WDR33: variants seen among roughly 807,000 people sequenced by gnomAD.
WDR33 encodes the protein WD repeat domain 33, also known as pre-mRNA 3' end processing protein WDR33.
WDR33 carries 47 observed loss-of-function variants against 164.9 expected under a neutral mutation model. That is an observed-to-expected ratio of 0.29 (90% CI 0.23 to 0.36). The LOEUF (loss-of-function observed/expected upper bound fraction) is 0.36. Among genes scored for constraint, WDR33 ranks in the 10% least tolerant of loss-of-function variants. WDR33 has a pLI of 1.00. For missense variants in WDR33, 1,137 were observed against 1,754.1 expected (o/e 0.65, Z 6.28); for synonymous variants, 505 against 589.0 (o/e 0.86, Z 2.06).
In WDR33 at chr2:127,724,698, A is replaced by C. The variant is rs1686522892; in HGVS notation, c.1085+189T>G. ...TAGAAAATCTATTTTATTCCTCCTT[A>C]ATGACTTCCATATCCACAAACAGAG... is the stretch of plus-strand genomic sequence containing the variant. On this transcript the variant is annotated intron_variant, in intron 10 of 21. Transcript: ENST00000322313. This position sits in a 1 kb window ranked among gnomAD's most constrained non-coding sequence, Gnocchi z 4.8. Among the ~76,000 whole-genome samples, 1 of 152,148 alleles carries C rather than the reference A, an allele frequency of 6.6e-6. No individual in the cohort carries two copies. Among genetic ancestry groups the C allele is most frequent in the South Asian group, 2.1e-4 (1 of 4,830 alleles).
chr2:127,750,714 G>GTATGTATGCATACATATA (rs1206524075), intron 7 of WDR33, among the ~76,000 whole-genome samples: 4 of 33,332 alleles, frequency 1.2e-4, no homozygotes, highest in Non-Finnish European at 1.9e-4. Context: ...ATATATATAT[G>GTATGTATGCATACATATA]TATGTATGCA....
Position 127,701,592 on chromosome 2 carries a change from G to A in WDR33, c.*4731C>T. 1 of 1,349,670 alleles carries A rather than the reference G, an allele frequency of 7.4e-7. No homozygotes were observed. The allele number at this position is 1,349,670 out of a possible 1,614,324, so 83.6% of individuals were successfully genotyped here. On this transcript the variant is annotated 3_prime_UTR_variant, in exon 22 of 22. Coordinates refer to ENST00000322313, the MANE Select transcript of WDR33 (RefSeq NM_018383.5). ...GCAGGGGAAAGCTGGCGGCCCGGCG[G>A]CCGCGGAGCCGCTGCTCGCCGCGGA...
chr2:127,758,594 C>T (rs553605227), intron 7 of WDR33, among the ~76,000 whole-genome samples: 2 of 152,246 alleles, frequency 1.3e-5, no homozygotes, highest in Admixed American at 6.5e-5. Context: ...AATTAAAGCA[C>T]GCTGAAACTT....
intron 7 of WDR33, among the ~76,000 whole-genome samples, chr2:127,760,004 G>A (rs1687630824): frequency 1.3e-5 from 2 of 152,100 alleles, no homozygotes; most frequent in Non-Finnish European, 1.5e-5. Flanking sequence ...CATACTTAAC[G>A]GCCTGCCATG....
At chr2:127,785,739 G>A (rs1371721881) in intron 1 of WDR33, among the ~76,000 whole-genome samples, 1 of 152,068 alleles carries the variant, frequency 6.6e-6, no homozygotes, top group Non-Finnish European at 1.5e-5. Flanking sequence ...AAGACATCTG[G>A]GTTGCCTCCA....
At chr2:127,786,863 T>TTTTA (rs1553479882) in intron 1 of WDR33, among the ~76,000 whole-genome samples, 1,786 of 122,708 alleles carry the variant, frequency 0.015, 38 homozygotes, top group African/African-American at 0.052. Flanking sequence ...TTTTTTTTTT[T>TTTTA]AATTTATTTT....
At chr2:127,762,791 C>A in intron 7 of WDR33, 2 of 1,219,752 alleles carry the variant, frequency 1.6e-6, no homozygotes, top group Non-Finnish European at 2.1e-6. Context: ...GGAATACAGC[C>A]CTAAAAGATG....
intron 7 of WDR33, among the ~76,000 whole-genome samples, chr2:127,732,115 AC>A (rs1686724930): frequency 3.1e-5 from 2 of 65,198 alleles, no homozygotes; most frequent in Admixed American, 2.8e-4. Flanking sequence ...TACAACACAC[AC>A]ACACACACAC....
At chr2:127,730,760 G>A (rs11689020) in intron 7 of WDR33, among the ~76,000 whole-genome samples, 20,083 of 151,984 alleles carry the variant, frequency 0.13, 1,444 homozygotes, top group South Asian at 0.25. Context: ...ATGCAGATAC[G>A]GATAGGCAGA....
At chr2:127,807,446 T>A (rs558692399) in intron 1 of WDR33, among the ~76,000 whole-genome samples, 3 of 152,126 alleles carry the variant, frequency 2.0e-5, no homozygotes, top group Non-Finnish European at 2.9e-5. Context: ...AAGCACAGTT[T>A]TGCACGTATC....
At position 127,720,766 on chromosome 2, in the gene WDR33, C is replaced by T. The variant is rs1181602501; in HGVS notation, c.1672-413G>A. 6.6e-6 allele frequency among the ~76,000 whole-genome samples: 1 copy of T among 152,086 alleles called. No individual in the cohort carries two copies. The highest frequency in any genetic ancestry group is 1.5e-5 in the Non-Finnish European group (1 of 68,006). On this transcript the variant is annotated intron_variant, in intron 15 of 21. Transcript: ENST00000322313. This position sits in a 1 kb window ranked among gnomAD's most constrained non-coding sequence, Gnocchi z 5.9. ...GTAGAGACAGGGTCTTGCTATATTG[C>T]CCAGGCTGATCTCAAACTCCTGGGT... is the stretch of plus-strand genomic sequence containing the variant.
At chr2:127,743,023 G>C (rs1472498746) in intron 7 of WDR33, among the ~76,000 whole-genome samples, 1 of 152,036 alleles carries the variant, frequency 6.6e-6, no homozygotes, top group Non-Finnish European at 1.5e-5. Flanking sequence ...AAATTCAGAA[G>C]GCAAAGGATT....
chr2:127,808,860 C>T (rs1689529006), intron 1 of WDR33, among the ~76,000 whole-genome samples: 1 of 152,088 alleles, frequency 6.6e-6, no homozygotes, highest in South Asian at 2.1e-4. Flanking sequence ...GAAATCCCGT[C>T]TCTACTAAAA....
rs375969377 is a variant in WDR33 at position 127,765,274 on chromosome 2, G to C, written c.379-5C>G. ...GCGTCTTCCTTCTGGAGTCCACTAA[G>C]GGAGAAAAAAAGACAGGTTATACAT... On this transcript the variant is annotated splice_region_variant and splice_polypyrimidine_tract_variant and intron_variant, in intron 4 of 21. Coordinates refer to ENST00000322313, the MANE Select transcript of WDR33 (RefSeq NM_018383.5). 3 of 1,605,188 alleles carry C rather than the reference G, an allele frequency of 1.9e-6. No individual in the cohort carries two copies. Among genetic ancestry groups the C allele is most frequent in the Non-Finnish European group, 2.6e-6 (3 of 1,175,920 alleles).
At chr2:127,786,841 GTTCTTTT>G (rs1688593898) in intron 1 of WDR33, among the ~76,000 whole-genome samples, 1 of 90,052 alleles carries the variant, frequency 1.1e-5, no homozygotes, top group African/African-American at 4.3e-5. Flanking sequence ...CTTCCTTTCT[GTTCTTTT>G]TTTTTTTTTT....
At chr2:127,729,875 AAAT>A (rs1322309509) in intron 7 of WDR33, among the ~76,000 whole-genome samples, 1 of 152,222 alleles carries the variant, frequency 6.6e-6, no homozygotes, top group Non-Finnish European at 1.5e-5. Context: ...AACTGAATAC[AAAT>A]AATGAAATAA....
At chr2:127,745,267 C>T (rs530766581) in intron 7 of WDR33, among the ~76,000 whole-genome samples, 4 of 152,282 alleles carry the variant, frequency 2.6e-5, no homozygotes, top group Admixed American at 6.5e-5. Flanking sequence ...ACTGTGCTAT[C>T]GATCCTTCCC....
At chr2:127,801,852 C>A (rs556092509) in intron 1 of WDR33, among the ~76,000 whole-genome samples, 38 of 151,686 alleles carry the variant, frequency 2.5e-4, no homozygotes, top group Admixed American at 1.6e-3. Flanking sequence ...CCACTGCACT[C>A]CTGCCTGGGT....
intron 1 of WDR33, among the ~76,000 whole-genome samples, chr2:127,802,362 G>A (rs1558965294): frequency 1.3e-5 from 2 of 151,996 alleles, no homozygotes; most frequent in Admixed American, 1.3e-4. Context: ...TTTTTCTTCA[G>A]CCTCCGTCTC....
Sources: allele counts gnomAD v4.1 joint callset (sites outside exome capture counted in the v4.1 genomes callset), GRCh38; gene constraint gnomAD v4.1.1; non-coding constraint Gnocchi (gnomAD v3.1); transcripts MANE v1.5; gene names NCBI Gene and HGNC (gene_info 2026-07-23, HGNC 2026-07-21).